Variants in DOCK9 observed in about 807,000 individuals in gnomAD.
DOCK9 encodes the protein dedicator of cytokinesis 9.
In DOCK9, 89 loss-of-function variants were observed where a neutral mutation model predicts 263.3. The observed-to-expected ratio is 0.34, with a 90% confidence interval of 0.28 to 0.40. The LOEUF (loss-of-function observed/expected upper bound fraction) is 0.40, where lower values mean the gene tolerates loss of function less well. DOCK9 is among the 10% of genes least tolerant of loss of function. The pLI is 1.00. For missense variants in DOCK9, 2,140 were observed against 2,603.4 expected (o/e 0.82, Z 3.87); for synonymous variants, 976 against 973.1 (o/e 1.00, Z -0.06).
chr13:98,834,879 T>TACAC lies in DOCK9; in HGVS notation c.4314+2611_4314+2614dup, dbSNP rs144100146. ...CAACTCACTTCATCTTTCTCTCTCA[T>TACAC]ACACACACACACACACAAACACACT... On this transcript the variant is annotated intron_variant, in intron 39 of 52. Transcript: ENST00000682017. Among the ~76,000 whole-genome samples the TACAC allele has an allele frequency of 3.3e-5, 5 of 150,914 alleles. No homozygotes were observed. In the South Asian group the frequency reaches 8.3e-4, roughly 25 times the overall value.
intron 1 of DOCK9, among the ~76,000 whole-genome samples, chr13:99,044,681 G>A (rs944310462): frequency 2.0e-5 from 3 of 152,136 alleles, no homozygotes; most frequent in Non-Finnish European, 4.4e-5. Context: ...AAAAAGCTAC[G>A]GAGCTAACTT....
intron 1 of DOCK9, among the ~76,000 whole-genome samples, chr13:99,062,913 G>A (rs1374501354): frequency 2.6e-5 from 4 of 152,160 alleles, no homozygotes; most frequent in Non-Finnish European, 4.4e-5. Flanking sequence ...TGCCAGCCCA[G>A]GGTCCCCGAA....
At chr13:99,032,883 CA>C (rs1887495146) in intron 1 of DOCK9, among the ~76,000 whole-genome samples, 1 of 152,110 alleles carries the variant, frequency 6.6e-6, no homozygotes, top group African/African-American at 2.4e-5. Flanking sequence ...TAACAGAAAT[CA>C]GGAGTAGTGA....
intron 1 of DOCK9, among the ~76,000 whole-genome samples, chr13:99,067,886 T>TA (rs55742417): frequency 6.6e-5 from 10 of 150,582 alleles, no homozygotes; most frequent in African/African-American, 2.4e-4. Context: ...TTTTTTTTTT[T>TA]AAATGTCTAA....
At chr13:98,836,841 C>T (rs2093019180) in intron 39 of DOCK9, among the ~76,000 whole-genome samples, 1 of 152,176 alleles carries the variant, frequency 6.6e-6, no homozygotes, top group Non-Finnish European at 1.5e-5. Context: ...AATAAGCAAA[C>T]TGTTCCAATA....
rs151019271 is a variant in DOCK9, at chr13:98,798,260, A to C, written c.5917-771T>G. Reference sequence around the variant, plus strand: ...GTGGTCACTGCTTGATATTTCCCGGAAGGTCTGGTGAGCTTAGCAAGGAAT... The same window carrying C: ...GTGGTCACTGCTTGATATTTCCCGGCAGGTCTGGTGAGCTTAGCAAGGAAT... On this transcript the variant is annotated intron_variant, in intron 50 of 52. Transcript: ENST00000682017. Among the ~76,000 whole-genome samples, 600 of 152,234 alleles carry C rather than the reference A, an allele frequency of 3.9e-3. 4 individuals carry two copies. Among genetic ancestry groups the C allele is most frequent in the African/African-American group, 0.014 (565 of 41,526 alleles).
intron 1 of DOCK9, among the ~76,000 whole-genome samples, chr13:99,024,305 T>C (rs960962049): frequency 6.6e-6 from 1 of 152,146 alleles, no homozygotes; most frequent in East Asian, 1.9e-4. Context: ...ACAAACTCAA[T>C]GGCATAATGA....
chr13:99,087,564 T>TC (rs2042375829), upstream of DOCK9, among the ~76,000 whole-genome samples: 1 of 151,630 alleles, frequency 6.6e-6, no homozygotes, highest in South Asian at 2.1e-4. Flanking sequence ...TGAGGGACTT[T>TC]CCCCCCAATA....
At chr13:98,949,736 T>G in intron 2 of DOCK9, 3 of 313,480 alleles carry the variant, frequency 9.6e-6, no homozygotes, top group Non-Finnish European at 1.9e-5. Flanking sequence ...AGCTGGTGGA[T>G]GAGCTGATTG....
intron 45 of DOCK9, among the ~76,000 whole-genome samples, chr13:98,815,606 C>T (rs1177164103): frequency 2.0e-5 from 3 of 152,082 alleles, no homozygotes; most frequent in Non-Finnish European, 4.4e-5. Flanking sequence ...CTCAGCCTCC[C>T]GAGTAGCTGG....
chr13:99,014,237 G>A (rs1312807084), intron 1 of DOCK9, among the ~76,000 whole-genome samples: 4 of 152,256 alleles, frequency 2.6e-5, no homozygotes, highest in East Asian at 1.9e-4. Context: ...GTCCCGGGCT[G>A]TCTGGTTATG....
intron 1 of DOCK9, among the ~76,000 whole-genome samples, chr13:98,963,909 C>T (rs1470517545): frequency 2.6e-5 from 4 of 152,250 alleles, no homozygotes; most frequent in Non-Finnish European, 4.4e-5. Context: ...ACTCTCGCTA[C>T]GTAGCCCCAC....
At chr13:99,046,278 G>A (rs1035160226) in intron 1 of DOCK9, among the ~76,000 whole-genome samples, 1 of 152,142 alleles carries the variant, frequency 6.6e-6, no homozygotes, top group Non-Finnish European at 1.5e-5. Context: ...AAGGTGGGAC[G>A]CACACCAACA....
At chr13:98,813,987 A>G (rs1052518991) in intron 45 of DOCK9, among the ~76,000 whole-genome samples, 2 of 152,206 alleles carry the variant, frequency 1.3e-5, no homozygotes, top group Admixed American at 1.3e-4. Flanking sequence ...GCTTTTGAAA[A>G]TGTTTATATC....
intron 1 of DOCK9, among the ~76,000 whole-genome samples, chr13:99,030,815 T>C (rs1887256508): frequency 6.6e-6 from 1 of 152,226 alleles, no homozygotes; most frequent in Non-Finnish European, 1.5e-5. Context: ...CATTACAATG[T>C]ACAAGTAAGG....
upstream of DOCK9, chr13:99,086,701 C>G (rs531930145): frequency 6.8e-6 from 1 of 146,720 alleles, no homozygotes; most frequent in Non-Finnish European, 1.5e-5. Context: ...GGGTGTCCGG[C>G]GCGGCGCGGG....
chr13:98,940,982 T>G (rs1000634307), intron 2 of DOCK9, among the ~76,000 whole-genome samples: 2 of 152,180 alleles, frequency 1.3e-5, no homozygotes, highest in African/African-American at 4.8e-5. Flanking sequence ...CTCCTCAGCA[T>G]GACCGAAGAC....
chr13:99,073,898 G>A (rs1455161953), intron 1 of DOCK9, among the ~76,000 whole-genome samples: 1 of 152,164 alleles, frequency 6.6e-6, no homozygotes, highest in African/African-American at 2.4e-5. Context: ...TATTTTTAAA[G>A]CCAAAACTCT....
intron 27 of DOCK9, among the ~76,000 whole-genome samples, chr13:98,879,560 GA>G (rs1164511702): frequency 6.6e-6 from 1 of 152,110 alleles, no homozygotes; most frequent in Non-Finnish European, 1.5e-5. Flanking sequence ...CTAATCAAAG[GA>G]AAAGACATAT....
Sources: allele counts gnomAD v4.1 joint callset (sites outside exome capture counted in the v4.1 genomes callset), GRCh38; gene constraint gnomAD v4.1.1; transcripts MANE v1.5; gene names NCBI Gene and HGNC (gene_info 2026-07-23, HGNC 2026-07-21).